Variants in UST observed in about 807,000 individuals in gnomAD.
UST encodes the protein uronyl 2-sulfotransferase, also known as chondroitin sulfate 2-O-sulfotransferase.
In UST, 21 loss-of-function variants were observed where a neutral mutation model predicts 45.6. That is an observed-to-expected ratio of 0.46 (90% CI 0.33 to 0.66). The LOEUF (loss-of-function observed/expected upper bound fraction) is 0.66. Ranked by LOEUF, UST falls within the 30% of genes least tolerant of loss-of-function variation. The probability of loss-of-function intolerance (pLI) is 0.02; values close to 1 mark genes in which losing one functional copy is unlikely to be tolerated. For missense variants in UST, 463 were observed against 512.4 expected (o/e 0.90, Z 0.93); for synonymous variants, 215 against 200.6 (o/e 1.07, Z -0.61).
chr6:148,964,315 A>G, intron 4 of UST, 95 bp from the exon 5 acceptor site: 1 of 1,468,572 alleles, frequency 6.8e-7, no homozygotes, highest in African/African-American at 1.4e-5. Flanking sequence ...TCATCTTTCA[A>G]TAAGTTAACC....
intron 1 of UST, among the ~76,000 whole-genome samples, chr6:148,781,217 G>C (rs9498156): frequency 0.03 from 4,551 of 152,288 alleles, 95 homozygotes; most frequent in Non-Finnish European, 0.041. Flanking sequence ...ACCAAGTTTT[G>C]AAAGCAAAAG....
At chr6:149,029,025 GTC>G (rs1281960690) in intron 7 of UST, among the ~76,000 whole-genome samples, 3 of 152,130 alleles carry the variant, frequency 2.0e-5, no homozygotes, top group Admixed American at 2.0e-4. Context: ...AGGTGGCGAT[GTC>G]TCTCCATTTT....
At position 149,010,913 on chromosome 6, in the gene UST, A is replaced by AAAAAAAGAAC. The variant is rs755674810; in HGVS notation, c.682-8220_682-8219insGAACAAAAAA. ...TCTCAACCAAAAAAAAAAAAAAAAA[A>AAAAAAAGAAC]AAAAAACTGTGACTATTTATTTGTC... On this transcript the variant is annotated intron_variant, in intron 5 of 7. Coordinates refer to ENST00000367463, the MANE Select transcript of UST (RefSeq NM_005715.3). 3.3e-4 allele frequency among the ~76,000 whole-genome samples: 31 copies of AAAAAAAGAAC among 93,002 alleles called. 1 individual carries two copies. The highest frequency in any genetic ancestry group is 2.8e-4 in the Non-Finnish European group (14 of 49,986). 61.0% of individuals were successfully genotyped at this position (93,002 alleles called of 152,430 possible).
chr6:148,940,253 G>A (rs1037944924), intron 2 of UST, among the ~76,000 whole-genome samples: 2 of 151,950 alleles, frequency 1.3e-5, no homozygotes, highest in Admixed American at 6.6e-5. Context: ...TTGGGAGGCC[G>A]AGGCCAGCAG....
intron 7 of UST, among the ~76,000 whole-genome samples, chr6:149,064,686 T>C (rs1469195614): frequency 6.6e-6 from 1 of 152,122 alleles, no homozygotes; most frequent in Non-Finnish European, 1.5e-5. Context: ...AGCAGAAGCA[T>C]AAAACTCGAC....
At chr6:148,998,514 T>C (rs888624616) in intron 5 of UST, among the ~76,000 whole-genome samples, 1 of 152,190 alleles carries the variant, frequency 6.6e-6, no homozygotes, top group Non-Finnish European at 1.5e-5. Flanking sequence ...AAAATATATT[T>C]CCATGATTAT....
chr6:148,766,423 C>T (rs116660955), intron 1 of UST, among the ~76,000 whole-genome samples: 69 of 152,302 alleles, frequency 4.5e-4, no homozygotes, highest in African/African-American at 1.5e-3. Flanking sequence ...TTTAGCTTGG[C>T]AGTCTTCCTC....
chr6:149,069,123 T>G (rs1027034437), intron 7 of UST, among the ~76,000 whole-genome samples: 1 of 152,262 alleles, frequency 6.6e-6, no homozygotes, highest in Non-Finnish European at 1.5e-5. Context: ...ATACCACATT[T>G]TCTTCATTCA....
intron 3 of UST, among the ~76,000 whole-genome samples, chr6:148,950,517 C>T (rs549332731): frequency 6.6e-6 from 1 of 152,328 alleles, no homozygotes; most frequent in East Asian, 1.9e-4. Flanking sequence ...CTGACTCTTA[C>T]CTGATTCTCT....
intron 5 of UST, among the ~76,000 whole-genome samples, chr6:148,998,239 C>T (rs1442769255): frequency 1.3e-5 from 2 of 152,182 alleles, no homozygotes; most frequent in Non-Finnish European, 2.9e-5. Flanking sequence ...CTTACAGTCA[C>T]AAAGCTTCAT....
At chr6:148,990,182 T>G (rs2114991261) in intron 5 of UST, among the ~76,000 whole-genome samples, 1 of 152,324 alleles carries the variant, frequency 6.6e-6, no homozygotes, top group African/African-American at 2.4e-5. Context: ...TCTACCATAT[T>G]TTTATATTCT....
intron 3 of UST, among the ~76,000 whole-genome samples, chr6:148,952,280 A>T (rs1248187143): frequency 6.6e-6 from 1 of 152,242 alleles, no homozygotes; most frequent in Non-Finnish European, 1.5e-5. Context: ...TTACTACCAA[A>T]AACAAGCACT....
chr6:148,804,387 G>A (rs1777109701), intron 1 of UST, among the ~76,000 whole-genome samples: 1 of 152,212 alleles, frequency 6.6e-6, no homozygotes. Context: ...CACTGTGTGT[G>A]TGTGAGGGGG....
chr6:148,967,033 C>T (rs1230708770), intron 5 of UST, among the ~76,000 whole-genome samples: 3 of 152,164 alleles, frequency 2.0e-5, no homozygotes, highest in Non-Finnish European at 2.9e-5. Flanking sequence ...CCACCGTGCC[C>T]AGCCTGGTTT....
intron 1 of UST, among the ~76,000 whole-genome samples, chr6:148,864,984 A>G (rs1479878562): frequency 6.6e-6 from 1 of 152,248 alleles, no homozygotes; most frequent in Non-Finnish European, 1.5e-5. Context: ...TTTAAAATCT[A>G]GGTAAGCTAA....
At chr6:149,072,155 T>C (rs1441613147) in intron 7 of UST, among the ~76,000 whole-genome samples, 3 of 152,196 alleles carry the variant, frequency 2.0e-5, no homozygotes, top group Non-Finnish European at 4.4e-5. Context: ...CTTCAAAACA[T>C]TAAACTTAGA....
chr6:148,819,844 G>T (rs1777422323), intron 1 of UST, among the ~76,000 whole-genome samples: 1 of 152,046 alleles, frequency 6.6e-6, no homozygotes, highest in South Asian at 2.1e-4. Flanking sequence ...TGGAAGTTCT[G>T]GTTAAGAGTA....
At chr6:149,015,618 GT>G (rs142432284) in intron 5 of UST, among the ~76,000 whole-genome samples, 2 of 151,228 alleles carry the variant, frequency 1.3e-5, no homozygotes, top group African/African-American at 4.9e-5. Context: ...CATATTAAAT[GT>G]TTTTTTTTCT....
intron 5 of UST, among the ~76,000 whole-genome samples, chr6:148,970,153 G>A (rs1006545518): frequency 2.6e-5 from 4 of 152,182 alleles, no homozygotes; most frequent in Non-Finnish European, 4.4e-5. Flanking sequence ...CACTTCTGGG[G>A]GTTAGCAAGA....
Sources: allele counts gnomAD v4.1 joint callset (sites outside exome capture counted in the v4.1 genomes callset), GRCh38; gene constraint gnomAD v4.1.1; transcripts MANE v1.5; gene names NCBI Gene and HGNC (gene_info 2026-07-23, HGNC 2026-07-21).